The following SLC12A1 variants were observed in gnomAD, a reference collection of about 807,000 sequenced individuals.
SLC12A1 encodes solute carrier family 12 member 1, also known as Na-K-2Cl cotransporter.
SLC12A1 carries 89 observed loss-of-function variants against 130.4 expected under a neutral mutation model. The observed-to-expected ratio is 0.68, with a 90% CI of 0.58 to 0.81. The LOEUF (loss-of-function observed/expected upper bound fraction) is 0.81, where lower values mean the gene tolerates loss of function less well. SLC12A1 is among the 40% of genes least tolerant of loss of function. The pLI, the probability that SLC12A1 is intolerant of heterozygous loss-of-function variation, is 0.00. For missense variants in SLC12A1, 1,310 were observed against 1,336.4 expected (o/e 0.98, Z 0.31); for synonymous variants, 499 against 460.0 (o/e 1.08, Z -1.09).
At chr15:48,259,386 G>A (rs2041744746) in intron 17 of SLC12A1, 75 bp downstream of exon 17, 3 of 996,278 alleles carry the variant, frequency 3.0e-6, no homozygotes, top group Non-Finnish European at 4.9e-6. Context: ...GAGGAGAAAA[G>A]GTACATGCAG....
chr15:48,247,985 T>TA (rs1319744460), intron 13 of SLC12A1, among the ~76,000 whole-genome samples: 1 of 152,196 alleles, frequency 6.6e-6, no homozygotes. Context: ...GAGAATCACT[T>TA]ACCTAGACTA....
chr15:48,237,151 A>G, intron 9 of SLC12A1: 1 of 639,798 alleles, frequency 1.6e-6, no homozygotes, highest in Non-Finnish European at 2.8e-6. Context: ...GAAGACTTTC[A>G]GAAGAGGGGA....
chr15:48,273,100 CAA>C (rs58343718), intron 19 of SLC12A1, among the ~76,000 whole-genome samples: 45 of 81,984 alleles, frequency 5.5e-4, no homozygotes, highest in African/African-American at 1.0e-3. Context: ...GTCAGACTGT[CAA>C]AAAAAAAAAA....
At chr15:48,208,238 A>G in intron 2 of SLC12A1, 99 bp downstream of exon 2, 1 of 1,211,748 alleles carries the variant, frequency 8.3e-7, no homozygotes, top group Non-Finnish European at 1.2e-6. Flanking sequence ...AAACAGTCAA[A>G]TGGAGAGGTC....
At chr15:48,229,556 A>G (rs545349380) in intron 6 of SLC12A1, among the ~76,000 whole-genome samples, 5 of 152,338 alleles carry the variant, frequency 3.3e-5, no homozygotes, top group African/African-American at 1.2e-4. Context: ...TTTGTTTTCC[A>G]AATCTATAAT....
At position 48,288,042 on chromosome 15, in the gene SLC12A1, G is replaced by C; in HGVS notation, c.2630-1G>C. 3.7e-6 allele frequency: 6 copies of C among 1,607,566 alleles called. No individual in the cohort carries two copies. Among genetic ancestry groups the C allele is most frequent in the Non-Finnish European group, 5.1e-6 (6 of 1,177,026 alleles). On this transcript the variant is annotated splice_acceptor_variant, in intron 21 of 26. Coordinates refer to ENST00000380993, the MANE Select transcript of SLC12A1 (RefSeq NM_000338.3). LOFTEE classifies it high-confidence loss of function. The stretch of plus-strand genomic sequence containing the variant: ...ATGCATCAATTCCTCTTTCGTTTCA[G>C]ATGGCAGCATTAACACAAGCCAGTC...
At chr15:48,220,594 A>G (rs2041199064) in intron 2 of SLC12A1, 40 bp from the exon 3 acceptor site, 6 of 1,585,922 alleles carry the variant, frequency 3.8e-6, no homozygotes, top group Non-Finnish European at 5.2e-6. Context: ...CCCTTTGTTC[A>G]TTGACCAACT....
chr15:48,229,803 C>T (rs1007416285), intron 6 of SLC12A1, among the ~76,000 whole-genome samples: 4 of 152,180 alleles, frequency 2.6e-5, no homozygotes, highest in Non-Finnish European at 5.9e-5. Flanking sequence ...TCTAGGATGT[C>T]GCATGTGCAA....
chr15:48,291,697 T>G (rs775929069), intron 23 of SLC12A1, 81 bp from the exon 24 acceptor site: 338 of 835,234 alleles, frequency 4.0e-4, no homozygotes, highest in Admixed American at 9.2e-4. Context: ...TTGCTTTTGA[T>G]ATCTTAACTC....
intron 2 of SLC12A1, among the ~76,000 whole-genome samples, chr15:48,217,370 A>G (rs2041136607): frequency 6.6e-6 from 1 of 152,240 alleles, no homozygotes; most frequent in Admixed American, 6.5e-5. Context: ...TAGCTGGTAT[A>G]GATGACCAGT....
intron 10 of SLC12A1, among the ~76,000 whole-genome samples, chr15:48,242,845 C>T (rs1417799750): frequency 6.6e-6 from 1 of 152,040 alleles, no homozygotes; most frequent in Non-Finnish European, 1.5e-5. Flanking sequence ...TGGGGCATGT[C>T]CAAGTTTAGT....
At chr15:48,212,876 A>G (rs2041070308) in intron 2 of SLC12A1, among the ~76,000 whole-genome samples, 2 of 152,210 alleles carry the variant, frequency 1.3e-5, no homozygotes, top group African/African-American at 2.4e-5. Flanking sequence ...AACAACTACA[A>G]ATAATTCGTA....
Position 48,299,252 on chromosome 15 carries a change from G to A in SLC12A1, c.3073G>A (p.Glu1025Lys). ...RETPWKITDAELEAVKEKSYR... is the reference protein window; with the variant it reads ...RETPWKITDAKLEAVKEKSYR... ...AACTCCGTGGAAAATTACAGATGCA[G>A]AACTGGAAGCAGTCAAGGAAAAGGT... The change falls in exon 25 of 27, where the codon GAA (glutamate) becomes AAA (lysine). Residue 1025 changes from glutamate to lysine, a missense_variant. Physicochemically the swap from Glu to Lys is moderately conservative, Grantham distance 56. Transcript: ENST00000380993. 6.2e-7 allele frequency: 1 copy of A among 1,603,204 alleles called. No individual in the cohort carries two copies. The highest frequency in any genetic ancestry group is 8.5e-7 in the Non-Finnish European group (1 of 1,176,678).
At chr15:48,301,814 GA>G (rs1399432658) in intron 26 of SLC12A1, among the ~76,000 whole-genome samples, 2 of 152,174 alleles carry the variant, frequency 1.3e-5, no homozygotes, top group Non-Finnish European at 2.9e-5. Flanking sequence ...CAGGGTAGGA[GA>G]AAAAGGCAGA....
rs748091473 is a variant in SLC12A1, at chr15:48,269,705, T to C, written c.2343T>C (p.Tyr781=). The C allele has an allele frequency of 3.1e-6, 5 of 1,612,190 alleles. No homozygotes were observed. The South Asian group carries it at 3.3e-5, about 11-fold the overall frequency. ...AACCAAACACTCTGGTGATTGGATA[T>C]AAGAAAAACTGGAGGAAAGCTCCCT... is the stretch of plus-strand genomic sequence containing the variant. The part of the protein sequence containing the change: ...RMKPNTLVIG[Y]KKNWRKAPLT... The change falls in exon 19 of 27, where the codon TAT becomes TAC. Residue 781 remains tyrosine (Y), a synonymous_variant. Coordinates refer to ENST00000380993, the MANE Select transcript of SLC12A1 (RefSeq NM_000338.3).
In SLC12A1 at chr15:48,229,274, G is replaced by A. The variant is rs1331617097; in HGVS notation, c.810G>A (p.Val270=). ...TGATCTTTGCTTTTGCTAATGCAGTGGCTGTTGCTATGTATGTGGTGGGAT... is the reference window on the plus strand; with the variant it reads ...TGATCTTTGCTTTTGCTAATGCAGTAGCTGTTGCTATGTATGTGGTGGGAT... ...IGLIFAFANA[V]AVAMYVVGFA... is the part of the protein sequence containing the mutation. The change falls in exon 6 of 27, where the codon GTG becomes GTA. Residue 270 remains valine (V), a synonymous_variant. Coordinates refer to ENST00000380993, the MANE Select transcript of SLC12A1 (RefSeq NM_000338.3). 2 of 1,604,906 alleles carry A rather than the reference G, an allele frequency of 1.2e-6. No homozygotes were observed. Among genetic ancestry groups the A allele is most frequent in the South Asian group, 1.1e-5 (1 of 89,180 alleles).
At chr15:48,246,852 T>C (rs112234193) in intron 11 of SLC12A1, 57 bp from the exon 12 acceptor site, 1 of 1,150,980 alleles carries the variant, frequency 8.7e-7, no homozygotes, top group Non-Finnish European at 1.3e-6. Context: ...AGCCGTTTGC[T>C]TATGAAACAG....
At chr15:48,302,417 G>C (rs1319709894) in intron 26 of SLC12A1, among the ~76,000 whole-genome samples, 1 of 151,256 alleles carries the variant, frequency 6.6e-6, no homozygotes, top group East Asian at 2.0e-4. Context: ...TCAGGAGATC[G>C]AGACCATCCT....
intron 4 of SLC12A1, chr15:48,221,352 G>A: frequency 1.4e-6 from 1 of 701,790 alleles, no homozygotes. Flanking sequence ...ATCCTTCTTG[G>A]CATGATTGGT....
Sources: allele counts gnomAD v4.1 joint callset (sites outside exome capture counted in the v4.1 genomes callset), GRCh38; gene constraint gnomAD v4.1.1; transcripts MANE v1.5; gene names NCBI Gene and HGNC (gene_info 2026-07-23, HGNC 2026-07-21).